DCC: variants seen among roughly 807,000 people sequenced by gnomAD.
DCC encodes the protein netrin receptor DCC.
In DCC, 58 loss-of-function variants were observed where a neutral mutation model predicts 172.5. The observed-to-expected ratio is 0.34, with a 90% CI of 0.27 to 0.42. The LOEUF (loss-of-function observed/expected upper bound fraction) is 0.42. Among genes scored for constraint, DCC ranks in the 10% least tolerant of loss-of-function variants. DCC has a pLI of 1.00. For missense variants in DCC, 1,740 were observed against 1,791.0 expected, an observed-to-expected ratio of 0.97 and a Z score of 0.51; for synonymous variants, 709 against 644.5, an observed-to-expected ratio of 1.10 and a Z score of -1.52.
intron 27 of DCC, 25 bp downstream of exon 27, chr18:53,499,535 T>C: frequency 6.4e-7 from 1 of 1,571,252 alleles, no homozygotes; most frequent in Non-Finnish European, 8.8e-7. Context: ...TGTTCACCTT[T>C]AAAATTCTTA....
rs146060093 is a variant in DCC at position 53,283,153 on chromosome 18, T to C, written c.1912-22425T>C. Among the ~76,000 whole-genome samples the C allele has an allele frequency of 6.6e-5, 10 of 152,288 alleles. No individual in the cohort carries two copies. In the East Asian group the frequency reaches 1.7e-3, roughly 26 times the overall value. ...TGTTCAAGCGTTTCAGTATTTCTTA[T>C]GCATCATAAAGCTTAAAGCAAAAAG... On this transcript the variant is annotated intron_variant, in intron 12 of 28. Coordinates refer to ENST00000442544, the MANE Select transcript of DCC (RefSeq NM_005215.4).
chr18:53,527,063 C>CATATACACATG (rs920885662), intron 28 of DCC: 1 of 383,142 alleles, frequency 2.6e-6, no homozygotes, highest in African/African-American at 2.1e-5. Flanking sequence ...ATAATATATA[C>CATATACACATG]ATATACACAT....
intron 23 of DCC, among the ~76,000 whole-genome samples, chr18:53,453,471 T>A (rs373201469): frequency 1.3e-5 from 2 of 151,576 alleles, no homozygotes; most frequent in East Asian, 3.9e-4. Flanking sequence ...TTTCTTTATG[T>A]TTTTTTTGGG....
chr18:52,705,800 AG>A (rs2036199601), intron 1 of DCC, among the ~76,000 whole-genome samples: 1 of 152,240 alleles, frequency 6.6e-6, no homozygotes, highest in Admixed American at 6.5e-5. Context: ...ATACTTTAAA[AG>A]CGTTTGTTGA....
intron 13 of DCC, among the ~76,000 whole-genome samples, chr18:53,316,365 A>G (rs1051751133): frequency 2.0e-5 from 3 of 152,196 alleles, no homozygotes; most frequent in Admixed American, 6.5e-5. Flanking sequence ...AGCTTATAGT[A>G]TAGATTGAAG....
At chr18:53,401,975 C>G (rs1289866039) in intron 18 of DCC, among the ~76,000 whole-genome samples, 1 of 152,138 alleles carries the variant, frequency 6.6e-6, no homozygotes, top group African/African-American at 2.4e-5. Context: ...TACTAAGACA[C>G]TCATAGTTAT....
intron 7 of DCC, among the ~76,000 whole-genome samples, chr18:53,109,592 C>T (rs2043300888): frequency 1.5e-5 from 2 of 132,778 alleles, no homozygotes; most frequent in Non-Finnish European, 1.6e-5. Context: ...CTCCCTCCTT[C>T]CTTCCTTCCT....
chr18:53,490,155 A>G (rs1340793885), intron 26 of DCC, among the ~76,000 whole-genome samples: 1 of 152,182 alleles, frequency 6.6e-6, no homozygotes, highest in Admixed American at 6.5e-5. Flanking sequence ...ATCAACTAAT[A>G]AATGAAACTT....
At chr18:52,610,180 T>TAC (rs2034241014) in intron 1 of DCC, among the ~76,000 whole-genome samples, 1 of 8,518 alleles carries the variant, frequency 1.2e-4, no homozygotes, top group African/African-American at 6.0e-4. Context: ...AAAAAAAAAA[T>TAC]ATATATATAT....
intron 15 of DCC, among the ~76,000 whole-genome samples, chr18:53,348,525 A>G (rs1189944806): frequency 1.3e-5 from 2 of 152,154 alleles, no homozygotes; most frequent in African/African-American, 2.4e-5. Context: ...TCTGGAGGAC[A>G]GTGGCCCTCT....
At chr18:52,375,991 G>A (rs1985329395) in intron 1 of DCC, among the ~76,000 whole-genome samples, 1 of 152,172 alleles carries the variant, frequency 6.6e-6, no homozygotes, top group African/African-American at 2.4e-5. Context: ...TAATCAGTGA[G>A]AAAACAACAC....
chr18:53,282,024 C>G (rs184371861), intron 12 of DCC, among the ~76,000 whole-genome samples: 11 of 151,628 alleles, frequency 7.3e-5, no homozygotes, highest in Admixed American at 5.3e-4. Context: ...TCCTTATAGC[C>G]TTTGCAGGAA....
At chr18:52,841,208 C>T (rs2038799652) in intron 2 of DCC, among the ~76,000 whole-genome samples, 1 of 151,634 alleles carries the variant, frequency 6.6e-6, no homozygotes, top group South Asian at 2.1e-4. Flanking sequence ...AATCTGGGAC[C>T]TTGTTGGCTG....
At chr18:52,848,339 G>A (rs56898997) in intron 2 of DCC, among the ~76,000 whole-genome samples, 229 of 152,010 alleles carry the variant, frequency 1.5e-3, no homozygotes, top group African/African-American at 5.3e-3. Flanking sequence ...TGCCCACCTC[G>A]GCCTCCCAAA....
rs536699529 is a variant in DCC at position 53,267,137 on chromosome 18, T to C, written c.1912-38441T>C. ...ACACACACACACACACACACACATA[T>C]ATATATATATATAGAGAGAGAGAGA... On this transcript the variant is annotated intron_variant, in intron 12 of 28. Coordinates refer to ENST00000442544, the MANE Select transcript of DCC (RefSeq NM_005215.4). 4.0e-3 allele frequency among the ~76,000 whole-genome samples: 583 copies of C among 144,616 alleles called. 4 individuals are homozygous for C. The highest frequency in any genetic ancestry group is 0.023 in the Admixed American group (343 of 14,810). 94.9% of individuals were successfully genotyped at this position (144,616 alleles called of 152,430 possible). A position where few individuals can be genotyped will look rare whatever the true frequency, so the allele number is the denominator to read the frequency against.
At chr18:53,305,770 T>G (rs1393107271) in intron 13 of DCC, 51 bp downstream of exon 13, 1 of 1,580,934 alleles carries the variant, frequency 6.3e-7, no homozygotes, top group Non-Finnish European at 8.7e-7. Flanking sequence ...ATTAAATGCT[T>G]TAGGAATAAA....
In DCC at chr18:53,236,462, T is replaced by G. The variant is rs562147531; in HGVS notation, c.1911+20865T>G. ...ACATTTTAGGAAAACATTTTAATTA[T>G]ATTTTGGTATTGTTAACATTTTCTA... On this transcript the variant is annotated intron_variant, in intron 12 of 28. Transcript: ENST00000442544. Among the ~76,000 whole-genome samples, 3 of 152,276 alleles carry G rather than the reference T, an allele frequency of 2.0e-5. No homozygotes were observed. In the East Asian group the frequency reaches 5.8e-4, roughly 29 times the overall value.
At chr18:53,265,384 G>A (rs1012815910) in intron 12 of DCC, among the ~76,000 whole-genome samples, 4 of 152,164 alleles carry the variant, frequency 2.6e-5, no homozygotes, top group African/African-American at 9.7e-5. Context: ...TCATAAAAGT[G>A]TACTATGCAT....
At chr18:52,896,750 C>T (rs1296519907) in intron 2 of DCC, among the ~76,000 whole-genome samples, 1 of 152,158 alleles carries the variant, frequency 6.6e-6, no homozygotes. Flanking sequence ...GACAAGCCAG[C>T]TCACGCTTGT....
Sources: allele counts gnomAD v4.1 joint callset (sites outside exome capture counted in the v4.1 genomes callset), GRCh38; gene constraint gnomAD v4.1.1; transcripts MANE v1.5; gene names NCBI Gene and HGNC (gene_info 2026-07-23, HGNC 2026-07-21).